EMSY: variants seen among roughly 807,000 people sequenced by gnomAD.
EMSY encodes the protein BRCA2-interacting transcriptional repressor EMSY.
EMSY carries 26 observed loss-of-function variants against 134.6 expected under a neutral mutation model. That is an observed-to-expected ratio of 0.19 (90% CI 0.14 to 0.27). The LOEUF (loss-of-function observed/expected upper bound fraction) is 0.27, where lower values mean the gene tolerates loss of function less well. Among genes scored for constraint, EMSY ranks in the 10% least tolerant of loss-of-function variants. The pLI, the probability that EMSY is intolerant of heterozygous loss-of-function variation, is 1.00. For missense variants in EMSY, 1,305 were observed against 1,611.4 expected, an observed-to-expected ratio of 0.81 and a Z score of 3.26; for synonymous variants, 579 against 577.8, an observed-to-expected ratio of 1.00 and a Z score of -0.03.
chr11:76,479,488 A>G (rs1018199525), intron 8 of EMSY, among the ~76,000 whole-genome samples: 21 of 152,332 alleles, frequency 1.4e-4, no homozygotes, highest in African/African-American at 3.6e-4. Context: ...AATGCCCCAC[A>G]TGGGGCCAAG....
chr11:76,546,928 G>C (rs533942330), intron 20 of EMSY: 9 of 291,868 alleles, frequency 3.1e-5, no homozygotes, highest in South Asian at 2.7e-4. Context: ...TCATGCCTTG[G>C]TAAGTACAGG....
chr11:76,524,486 C>T (rs1483187677), intron 12 of EMSY, among the ~76,000 whole-genome samples: 2 of 152,150 alleles, frequency 1.3e-5, no homozygotes, highest in African/African-American at 4.8e-5. Flanking sequence ...AAACAGATTG[C>T]TCCTAGCCTG....
At chr11:76,494,936 A>C (rs1484870121) in intron 8 of EMSY, among the ~76,000 whole-genome samples, 1 of 151,928 alleles carries the variant, frequency 6.6e-6, no homozygotes, top group Non-Finnish European at 1.5e-5. Flanking sequence ...GGGTTTCACT[A>C]TGTTGGCCAG....
rs67729914 is a variant in EMSY, at chr11:76,518,703, A to ATTT, written c.1684+2399_1684+2401dup. On this transcript the variant is annotated intron_variant, in intron 11 of 20. Transcript: ENST00000334736. Reference sequence around the variant, plus strand: ...TGCGCGCATATATATATATATATATATTTTTTTTTTAATTGGGATCTAATA... The same window carrying ATTT: ...TGCGCGCATATATATATATATATATATTTTTTTTTTTTTAATTGGGATCTAATA... 1.2e-3 allele frequency among the ~76,000 whole-genome samples: 151 copies of ATTT among 130,188 alleles called. No individual in the cohort carries two copies. In the Middle Eastern group the frequency reaches 0.012, roughly 11 times the overall value. 85.4% of individuals were successfully genotyped at this position (130,188 alleles called of 152,430 possible).
At chr11:76,486,824 G>C (rs528179899) in intron 8 of EMSY, among the ~76,000 whole-genome samples, 1 of 152,322 alleles carries the variant, frequency 6.6e-6, no homozygotes, top group African/African-American at 2.4e-5. Flanking sequence ...TGATGATGAA[G>C]ATGACATTAA....
At chr11:76,519,298 C>T (rs1233077108) in intron 11 of EMSY, among the ~76,000 whole-genome samples, 1 of 152,108 alleles carries the variant, frequency 6.6e-6, no homozygotes, top group Non-Finnish European at 1.5e-5. Context: ...CTCCTGACCT[C>T]AGGTGATCCA....
At chr11:76,531,317 C>T (rs1279853971) in intron 14 of EMSY, among the ~76,000 whole-genome samples, 2 of 152,154 alleles carry the variant, frequency 1.3e-5, no homozygotes, top group East Asian at 3.8e-4. Flanking sequence ...CAATAAAATT[C>T]AGGTCGACAC....
chr11:76,549,731 A>T (rs563990285), intron 20 of EMSY, among the ~76,000 whole-genome samples: 2 of 152,186 alleles, frequency 1.3e-5, no homozygotes, highest in East Asian at 3.8e-4. Flanking sequence ...AAATGGGAAT[A>T]ATAATTTTCT....
intron 2 of EMSY, among the ~76,000 whole-genome samples, chr11:76,451,322 G>T (rs1247506603): frequency 2.0e-5 from 3 of 152,164 alleles, no homozygotes; most frequent in African/African-American, 7.2e-5. Flanking sequence ...GATGAGAAAA[G>T]ACTTGCTGAA....
At chr11:76,485,003 A>G (rs1158578681) in intron 8 of EMSY, among the ~76,000 whole-genome samples, 1 of 152,112 alleles carries the variant, frequency 6.6e-6, no homozygotes, top group African/African-American at 2.4e-5. Flanking sequence ...AACCAGGAAG[A>G]AGTCAAATCC....
intron 14 of EMSY, among the ~76,000 whole-genome samples, chr11:76,529,657 G>T (rs1251595348): frequency 6.6e-6 from 1 of 152,134 alleles, no homozygotes; most frequent in Non-Finnish European, 1.5e-5. Flanking sequence ...AAGTTGACAT[G>T]CCAGTGAGGA....
intron 7 of EMSY, among the ~76,000 whole-genome samples, chr11:76,469,639 T>C (rs1948495936): frequency 1.3e-5 from 2 of 152,234 alleles, no homozygotes; most frequent in Admixed American, 1.3e-4. Context: ...CCTAGCACTA[T>C]GTCAGATGCT....
chr11:76,472,482 A>C, intron 7 of EMSY, 82 bp from the exon 9 acceptor site: 7 of 1,255,570 alleles, frequency 5.6e-6, no homozygotes, highest in Non-Finnish European at 7.6e-6. Context: ...AGCTATTTTT[A>C]AATTATATAT....
At chr11:76,542,268 C>G (rs749563777) in exon 18 of EMSY, 4 of 1,614,214 alleles carry the variant, frequency 2.5e-6, no homozygotes, top group South Asian at 1.1e-5. Context: ...GGACCCTGCT[C>G]CAGCATGTGG....
intron 6 of EMSY, chr11:76,460,592 T>C (rs1430780911): frequency 2.0e-5 from 3 of 152,296 alleles, no homozygotes; most frequent in Non-Finnish European, 4.4e-5. Flanking sequence ...TTCTACCCTA[T>C]GAAGCAGTTT....
intron 17 of EMSY, among the ~76,000 whole-genome samples, chr11:76,540,233 T>G (rs568359579): frequency 2.6e-3 from 393 of 152,332 alleles, no homozygotes; most frequent in African/African-American, 9.1e-3. Context: ...TAATTTCATC[T>G]GAAATGTATT....
chr11:76,462,002 C>T (rs757379858), intron 6 of EMSY, among the ~76,000 whole-genome samples: 12 of 151,132 alleles, frequency 7.9e-5, no homozygotes, highest in African/African-American at 2.7e-4. Context: ...TTTGGGAGGC[C>T]GAGGCGAGCA....
At chr11:76,459,997 C>T (rs2135064244) in exon 6 of EMSY, 1 of 1,614,150 alleles carries the variant, frequency 6.2e-7, no homozygotes, top group East Asian at 2.2e-5. Context: ...TTCCAAGTGG[C>T]AGCATAGCAA....
chr11:76,451,894 G>A (rs2134827782), exon 3 of EMSY: 4 of 1,590,408 alleles, frequency 2.5e-6, no homozygotes, highest in Non-Finnish European at 3.4e-6. Context: ...AGTGCACTTC[G>A]GGCACAGGGG....
Sources: gnomAD v4.1 joint callset for allele counts (sites outside exome capture counted in the v4.1 genomes callset) on GRCh38, gnomAD v4.1.1 for gene constraint, MANE v1.5 for transcripts, NCBI Gene and HGNC (gene_info 2026-07-23, HGNC 2026-07-21) for gene names.